The following SUZ12 variants were observed in gnomAD, a reference collection of about 807,000 sequenced individuals.
SUZ12 encodes polycomb protein SUZ12.
In SUZ12, 17 loss-of-function variants were observed where a neutral mutation model predicts 87.3. The ratio of observed to expected loss-of-function variants is 0.19; its 90% CI spans 0.13 to 0.29. SUZ12 has a LOEUF of 0.29. Ranked by LOEUF, SUZ12 falls within the 10% of genes least tolerant of loss-of-function variation. The pLI is 1.00. For missense variants in SUZ12, 526 were observed against 912.2 expected (o/e 0.58, Z 5.45); for synonymous variants, 253 against 312.4 (o/e 0.81, Z 2.01).
At position 31,972,242 on chromosome 17, in the gene SUZ12, C is replaced by T. The variant is rs117624573; in HGVS notation, c.506-904C>T. 6.6e-3 allele frequency among the ~76,000 whole-genome samples: 995 copies of T among 151,852 alleles called. 7 individuals carry two copies. Among genetic ancestry groups the T allele is most frequent in the Non-Finnish European group, 8.0e-3 (542 of 67,938 alleles). ...AGAAGTTGCAGTGAACCAAGATCGC[C>T]CTACTGCACTCCAACCTGGTTGACA... On this transcript the variant is annotated intron_variant, in intron 5 of 15. Coordinates refer to ENST00000322652, the MANE Select transcript of SUZ12 (RefSeq NM_015355.4).
At position 31,966,287 on chromosome 17, in the gene SUZ12, A is replaced by G. The variant is rs549157301; in HGVS notation, c.505+91A>G. ...GTGGGGCTTCTGAGTGTAAATTTAT[A>G]AAATTAAGTTTAATGGAAAATATGT... On this transcript the variant is annotated intron_variant, in intron 5 of 15. Transcript: ENST00000322652. 134 of 1,067,002 alleles carry G rather than the reference A, an allele frequency of 1.3e-4. 1 individual carries two copies. The African/African-American group carries it at 2.0e-3, about 16-fold the overall frequency. The allele number at this position is 1,067,002 out of a possible 1,614,324, so 66.1% of individuals were successfully genotyped here.
chr17:31,986,857 CTAAA>C (rs1480606256), intron 9 of SUZ12, among the ~76,000 whole-genome samples: 2 of 152,080 alleles, frequency 1.3e-5, no homozygotes, highest in Non-Finnish European at 2.9e-5. Context: ...GTCCTCTAAT[CTAAA>C]TAGTTTTAAG....
At chr17:31,943,581 T>C (rs1200903718) in intron 3 of SUZ12, among the ~76,000 whole-genome samples, 1 of 152,190 alleles carries the variant, frequency 6.6e-6, no homozygotes, top group East Asian at 1.9e-4. Flanking sequence ...TAAAAACCGT[T>C]CTTACCTTCC....
chr17:31,944,878 G>A (rs1307783997), intron 3 of SUZ12, among the ~76,000 whole-genome samples: 1 of 151,910 alleles, frequency 6.6e-6, no homozygotes, highest in Non-Finnish European at 1.5e-5. Context: ...GTCAGCCCTG[G>A]CAACATAGTG....
intron 4 of SUZ12, among the ~76,000 whole-genome samples, chr17:31,953,358 G>A (rs553614006): frequency 2.6e-5 from 4 of 151,970 alleles, no homozygotes; most frequent in Admixed American, 2.0e-4. Flanking sequence ...TGGTCCATCC[G>A]CCTCGACCTC....
rs529133391 is a variant in SUZ12, at chr17:31,999,544, A to G, written c.*541A>G. 1 of 231,106 alleles carries G rather than the reference A, an allele frequency of 4.3e-6. No homozygotes were observed. Among genetic ancestry groups the G allele is most frequent in the Admixed American group, 5.6e-5 (1 of 17,752 alleles). The allele number at this position is 231,106 out of a possible 1,614,324, so 14.3% of individuals were successfully genotyped here. On this transcript the variant is annotated 3_prime_UTR_variant, in exon 16 of 16. Coordinates refer to ENST00000322652, the MANE Select transcript of SUZ12 (RefSeq NM_015355.4). ...TCCTTGTTTTTGAAATCATTTGTCA[A>G]TTCGGAATGAAAAATTATAATGTAA...
At chr17:31,972,988 G>T (rs1371327975) in intron 5 of SUZ12, among the ~76,000 whole-genome samples, 158 bp from the exon 6 acceptor site, 2 of 151,806 alleles carry the variant, frequency 1.3e-5, no homozygotes. Context: ...AGAGTTTGCT[G>T]TAAGTTTGGA....
At position 31,999,729 on chromosome 17, in the gene SUZ12, T is replaced by C; in HGVS notation, c.*726T>C. The C allele has an allele frequency of 4.3e-6, 1 of 232,406 alleles. No individual in the cohort carries two copies. The highest frequency in any genetic ancestry group is 6.1e-5 in the East Asian group (1 of 16,386). 14.4% of individuals were successfully genotyped at this position (232,406 alleles called of 1,614,324 possible). On this transcript the variant is annotated 3_prime_UTR_variant, in exon 16 of 16. Coordinates refer to ENST00000322652, the MANE Select transcript of SUZ12 (RefSeq NM_015355.4). ...TTTTCATGTGGATAATTTTAGTGCA[T>C]TGCTCACCCGGTATGTTTTTTTTTT... is the stretch of plus-strand genomic sequence containing the variant.
At chr17:31,943,706 CTTT>C (rs748882581) in intron 3 of SUZ12, among the ~76,000 whole-genome samples, 8 of 144,828 alleles carry the variant, frequency 5.5e-5, no homozygotes, top group Non-Finnish European at 6.1e-5. Context: ...TTCATCAAAG[CTTT>C]TTTTTTTTTG....
chr17:31,952,104 G>C (rs1458869665), intron 4 of SUZ12, among the ~76,000 whole-genome samples: 1 of 152,052 alleles, frequency 6.6e-6, no homozygotes, highest in Non-Finnish European at 1.5e-5. Flanking sequence ...GTCTTGCTCT[G>C]TTGCCCAGGC....
intron 4 of SUZ12, among the ~76,000 whole-genome samples, chr17:31,962,718 C>T (rs1907810219): frequency 6.6e-6 from 1 of 152,174 alleles, no homozygotes; most frequent in South Asian, 2.1e-4. Context: ...TCTATAAATT[C>T]AATTCTATTT....
chr17:31,977,591 T>C (rs966293733), intron 8 of SUZ12, among the ~76,000 whole-genome samples: 1 of 151,890 alleles, frequency 6.6e-6, no homozygotes, highest in Non-Finnish European at 1.5e-5. Context: ...ACCCCATCTT[T>C]TTTAAAAAAA....
chr17:31,950,752 C>A (rs528984424), intron 4 of SUZ12, among the ~76,000 whole-genome samples: 1 of 152,102 alleles, frequency 6.6e-6, no homozygotes, highest in Admixed American at 6.5e-5. Context: ...TATCTTAAAT[C>A]GTACACAAAA....
intron 6 of SUZ12, 35 bp downstream of exon 6, chr17:31,973,266 G>T (rs192070226): frequency 5.5e-5 from 72 of 1,313,422 alleles, no homozygotes; most frequent in Admixed American, 3.4e-4. Flanking sequence ...TAGATTAAAT[G>T]GAATAATTTG....
chr17:31,954,312 C>T (rs768577803), intron 4 of SUZ12, among the ~76,000 whole-genome samples: 3 of 152,190 alleles, frequency 2.0e-5, no homozygotes, highest in Non-Finnish European at 4.4e-5. Context: ...CTGCCCACCT[C>T]GGCCTCCCAA....
chr17:31,941,458 T>C (rs972078814), intron 3 of SUZ12, among the ~76,000 whole-genome samples: 6 of 151,986 alleles, frequency 3.9e-5, no homozygotes, highest in African/African-American at 1.4e-4. Flanking sequence ...GGTTTCCCCA[T>C]GTTGGCCAGG....
At chr17:31,964,611 T>A (rs1475765885) in intron 4 of SUZ12, among the ~76,000 whole-genome samples, 2 of 152,024 alleles carry the variant, frequency 1.3e-5, no homozygotes, top group Non-Finnish European at 2.9e-5. Flanking sequence ...TTCACCATAT[T>A]GGCCAGGCTG....
rs1908010154 is a variant in SUZ12, at chr17:31,965,101, C to A, written c.456-1046C>A. On this transcript the variant is annotated intron_variant, in intron 4 of 15. Coordinates refer to ENST00000322652, the MANE Select transcript of SUZ12 (RefSeq NM_015355.4). ...CTCTTGCCACAATGTCTTTCTGTAA[C>A]TGTTCCCATCTGACTATAAAAATGC... is the stretch of plus-strand genomic sequence containing the variant. 3.9e-5 allele frequency among the ~76,000 whole-genome samples: 6 copies of A among 152,082 alleles called. No individual in the cohort carries two copies. The South Asian group carries it at 1.2e-3, about 31-fold the overall frequency.
At position 32,000,367 on chromosome 17, in the gene SUZ12, TTGAC is replaced by T. The variant is rs1372470752; in HGVS notation, c.*1367_*1370del. The T allele has an allele frequency of 4.3e-6, 1 of 232,664 alleles. No homozygotes were observed. Among genetic ancestry groups the T allele is most frequent in the Non-Finnish European group, 8.5e-6 (1 of 117,788 alleles). The allele number at this position is 232,664 out of a possible 1,614,324, so 14.4% of individuals were successfully genotyped here. A position where few individuals can be genotyped will look rare whatever the true frequency, so the allele number is the denominator to read the frequency against. Reference sequence around the variant, plus strand: ...AAATTTATAAAATGTAAATACTGATTTGACTGGTCTTTAAGATGTGTTTAACTGT... The same window carrying T: ...AAATTTATAAAATGTAAATACTGATTTGGTCTTTAAGATGTGTTTAACTGT... On this transcript the variant is annotated 3_prime_UTR_variant, in exon 16 of 16. Coordinates refer to ENST00000322652, the MANE Select transcript of SUZ12 (RefSeq NM_015355.4).
Sources: gnomAD v4.1 joint callset for allele counts (sites outside exome capture counted in the v4.1 genomes callset) on GRCh38, gnomAD v4.1.1 for gene constraint, MANE v1.5 for transcripts, NCBI Gene and HGNC (gene_info 2026-07-23, HGNC 2026-07-21) for gene names.